Variants in WNT3A observed in about 807,000 individuals in gnomAD.
The protein encoded by WNT3A is protein Wnt-3a.
WNT3A carries 17 observed loss-of-function variants against 37.0 expected under a neutral mutation model. That is an observed-to-expected ratio of 0.46 (90% CI 0.31 to 0.69). The LOEUF is 0.69. WNT3A is among the 30% of genes least tolerant of loss of function. The pLI is 0.05. For synonymous variants in WNT3A, 187 were observed against 211.0 expected, an observed-to-expected ratio of 0.89 and a Z score of 0.99; for missense variants, 411 against 510.2, an observed-to-expected ratio of 0.81 and a Z score of 1.87.
rs1175960098 is a variant in WNT3A, at chr1:228,022,977, T to G, written c.313+69T>G. The stretch of plus-strand genomic sequence containing the variant: ...ACAGAGTCTCCCGCCTAGCGCTGCC[T>G]GACATTCTCATCTGTGCACACGGTG... On this transcript the variant is annotated intron_variant, in intron 2 of 3. Coordinates refer to ENST00000284523, the MANE Select transcript of WNT3A (RefSeq NM_033131.4). 4 of 1,541,292 alleles carry G rather than the reference T, an allele frequency of 2.6e-6. No homozygotes were observed. The East Asian group carries it at 9.1e-5, about 35-fold the overall frequency.
chr1:228,013,827 G>T (rs1262726354), intron 1 of WNT3A, among the ~76,000 whole-genome samples: 1 of 152,236 alleles, frequency 6.6e-6, no homozygotes, highest in Non-Finnish European at 1.5e-5. Context: ...AACACTTCGA[G>T]CCTCAGGTCT....
At chr1:228,045,578 T>G (rs2031383993) in intron 2 of WNT3A, among the ~76,000 whole-genome samples, 1 of 152,180 alleles carries the variant, frequency 6.6e-6, no homozygotes, top group African/African-American at 2.4e-5. Context: ...GAGGAAGTGC[T>G]CTGCATCCAG....
At chr1:228,057,016 T>C (rs2031696212) in intron 3 of WNT3A, among the ~76,000 whole-genome samples, 1 of 152,032 alleles carries the variant, frequency 6.6e-6, no homozygotes, top group African/African-American at 2.4e-5. Context: ...GAAAAAAAAA[T>C]CTGCAAGAAA....
chr1:228,020,850 G>C (rs1005198882), intron 1 of WNT3A, among the ~76,000 whole-genome samples: 2 of 152,124 alleles, frequency 1.3e-5, no homozygotes, highest in Non-Finnish European at 2.9e-5. Context: ...GGGTGACTAG[G>C]GAGAGGGAGG....
At chr1:228,030,199 A>C (rs1009943459) in intron 2 of WNT3A, among the ~76,000 whole-genome samples, 1 of 152,076 alleles carries the variant, frequency 6.6e-6, no homozygotes, top group African/African-American at 2.4e-5. Context: ...GTTCGAGACC[A>C]GCCTGGCTAA....
intron 2 of WNT3A, among the ~76,000 whole-genome samples, chr1:228,030,464 C>T (rs913939778): frequency 1.3e-5 from 2 of 152,100 alleles, no homozygotes; most frequent in Non-Finnish European, 2.9e-5. Context: ...ACCTCTCAGT[C>T]CTTCCACCAT....
intron 2 of WNT3A, among the ~76,000 whole-genome samples, chr1:228,029,271 C>A (rs1343123333): frequency 6.6e-6 from 1 of 152,160 alleles, no homozygotes; most frequent in Non-Finnish European, 1.5e-5. Context: ...TTCCAGGCTG[C>A]GTTCTGGGGT....
At chr1:228,020,260 G>A (rs964233237) in intron 1 of WNT3A, among the ~76,000 whole-genome samples, 2 of 152,234 alleles carry the variant, frequency 1.3e-5, no homozygotes, top group African/African-American at 2.4e-5. Context: ...AGTCCTGGGC[G>A]AAGCAGACAG....
chr1:228,013,604 T>C (rs2030440991), intron 1 of WNT3A, among the ~76,000 whole-genome samples: 1 of 151,846 alleles, frequency 6.6e-6, no homozygotes, highest in Admixed American at 6.6e-5. Context: ...CTGGGAAGGG[T>C]TGCCGACACC....
intron 1 of WNT3A, among the ~76,000 whole-genome samples, chr1:228,012,724 G>A (rs769744462): frequency 6.6e-6 from 1 of 152,180 alleles, no homozygotes; most frequent in Non-Finnish European, 1.5e-5. Flanking sequence ...CAAGGGGCAG[G>A]GGCTGGGGCA....
rs1001037270 is a variant in WNT3A, at chr1:228,038,085, C to G, written c.314-12571C>G. Among the ~76,000 whole-genome samples, 2 of 151,922 alleles carry G rather than the reference C, an allele frequency of 1.3e-5. No homozygotes were observed. The highest frequency in any genetic ancestry group is 4.8e-5 in the African/African-American group (2 of 41,402). ...ACGGCGCCCGGCCGCGCGGGCCGCC[C>G]GGCGGTGTCAGGGGCCGTGGCCGCG... On this transcript the variant is annotated intron_variant, in intron 2 of 3. Transcript: ENST00000284523. The surrounding 1 kb of genome is among the most constrained non-coding windows in gnomAD (Gnocchi z 5.7).
chr1:228,045,880 C>G (rs1387246407), intron 2 of WNT3A, among the ~76,000 whole-genome samples: 1 of 152,198 alleles, frequency 6.6e-6, no homozygotes, highest in Non-Finnish European at 1.5e-5. Flanking sequence ...CATTCTGGCC[C>G]CAGGAAATAT....
In WNT3A at chr1:228,008,624, T is replaced by C. The variant is rs888997263; in HGVS notation, c.71+1425T>C. On this transcript the variant is annotated intron_variant, in intron 1 of 3. Transcript: ENST00000284523. This position sits in a 1 kb window ranked among gnomAD's most constrained non-coding sequence, Gnocchi z 4.9. Reference sequence around the variant, plus strand: ...CGGGGCTCGCCTTGGGGTGCGGGGATACTGACGCGCGTCCAGACGGCCGCA... The same window carrying C: ...CGGGGCTCGCCTTGGGGTGCGGGGACACTGACGCGCGTCCAGACGGCCGCA... Among the ~76,000 whole-genome samples the C allele has an allele frequency of 6.6e-6, 1 of 152,004 alleles. No individual in the cohort carries two copies. The highest frequency in any genetic ancestry group is 1.5e-5 in the Non-Finnish European group (1 of 67,932).
At chr1:228,048,217 C>A (rs1375503290) in intron 2 of WNT3A, among the ~76,000 whole-genome samples, 1 of 152,186 alleles carries the variant, frequency 6.6e-6, no homozygotes, top group Non-Finnish European at 1.5e-5. Context: ...TAGAGAGGGC[C>A]CATCGGAGCT....
chr1:228,008,394 T>C lies in WNT3A; in HGVS notation c.71+1195T>C, dbSNP rs1240026989. 6.6e-6 allele frequency among the ~76,000 whole-genome samples: 1 copy of C among 152,166 alleles called. No individual in the cohort carries two copies. Among genetic ancestry groups the C allele is most frequent in the Non-Finnish European group, 1.5e-5 (1 of 68,028 alleles). On this transcript the variant is annotated intron_variant, in intron 1 of 3. Transcript: ENST00000284523. The surrounding 1 kb of genome is among the most constrained non-coding windows in gnomAD (Gnocchi z 4.9). ...ATAATAATTTTTCTCTTCGAGATGG[T>C]TCAGGAGCGGGGGCTCCCGCGGTAG...
In WNT3A at chr1:228,059,799, A is replaced by G; in HGVS notation, c.*334A>G. On this transcript the variant is annotated 3_prime_UTR_variant, in exon 4 of 4. Transcript: ENST00000284523. ...GGGCGGGGCTTCTCTTGGGTGGGAC[A>G]GGGCTTCTCCTGCGGGGGCGAGGCC... The G allele has an allele frequency of 4.5e-6, 5 of 1,101,180 alleles. No individual in the cohort carries two copies. Among genetic ancestry groups the G allele is most frequent in the South Asian group, 3.3e-5 (1 of 30,712 alleles). 68.2% of individuals were successfully genotyped at this position (1,101,180 alleles called of 1,614,324 possible).
At chr1:228,045,981 G>A (rs1346256319) in intron 2 of WNT3A, among the ~76,000 whole-genome samples, 2 of 152,250 alleles carry the variant, frequency 1.3e-5, no homozygotes, top group African/African-American at 4.8e-5. Context: ...GAGGGAGTCA[G>A]TGGGCAAATC....
At chr1:228,027,123 G>A (rs192460079) in intron 2 of WNT3A, among the ~76,000 whole-genome samples, 297 of 152,324 alleles carry the variant, frequency 1.9e-3, no homozygotes, top group African/African-American at 6.8e-3. Flanking sequence ...GATTACAGGC[G>A]TGAGCCACGG....
chr1:228,010,331 C>CCCG (rs2030333081), intron 1 of WNT3A, among the ~76,000 whole-genome samples: 1 of 152,114 alleles, frequency 6.6e-6, no homozygotes, highest in African/African-American at 2.4e-5. Context: ...GCCTGTGCCT[C>CCCG]CCGCCACCGC....
Sources: allele counts gnomAD v4.1 joint callset (sites outside exome capture counted in the v4.1 genomes callset), GRCh38; gene constraint gnomAD v4.1.1; non-coding constraint Gnocchi (gnomAD v3.1); transcripts MANE v1.5; gene names NCBI Gene and HGNC (gene_info 2026-07-23, HGNC 2026-07-21).